The following NPTN variants were observed in gnomAD, a reference collection of about 807,000 sequenced individuals.
The protein encoded by NPTN is SDR-1.
Under a neutral mutation model 42.7 loss-of-function variants are expected in NPTN, and 5 were observed. The ratio of observed to expected loss-of-function variants is 0.12; its 90% CI spans 0.06 to 0.25. The LOEUF (loss-of-function observed/expected upper bound fraction) is 0.25, where lower values mean the gene tolerates loss of function less well. Ranked by LOEUF, NPTN falls within the 10% of genes least tolerant of loss-of-function variation. The pLI is 1.00. For synonymous variants in NPTN, 180 were observed against 201.9 expected, an observed-to-expected ratio of 0.89 and a Z score of 0.92; for missense variants, 307 against 525.4, an observed-to-expected ratio of 0.58 and a Z score of 4.06.
At position 73,633,349 on chromosome 15, in the gene NPTN, C is replaced by A. The variant is rs1566997863; in HGVS notation, c.-134G>T. 6.9e-6 allele frequency: 4 copies of A among 582,506 alleles called. No individual in the cohort carries two copies. The highest frequency in any genetic ancestry group is 1.1e-5 in the Non-Finnish European group (4 of 365,648). The allele number at this position is 582,506 out of a possible 1,614,324, so 36.1% of individuals were successfully genotyped here. A position where few individuals can be genotyped will look rare whatever the true frequency, so the allele number is the denominator to read the frequency against. On this transcript the variant is annotated 5_prime_UTR_variant, in exon 1 of 9. Transcript: ENST00000345330. ...GGAGGCAGCCGCGGCTCGGCTCCGT[C>A]CTTCCCCGTCCTCCTCCTGCCGCCG...
intron 1 of NPTN, among the ~76,000 whole-genome samples, chr15:73,604,861 C>G (rs1266146440): frequency 6.6e-6 from 1 of 152,204 alleles, no homozygotes; most frequent in Non-Finnish European, 1.5e-5. Flanking sequence ...CGCAGTGGCT[C>G]ATGCCTGTAA....
chr15:73,595,960 G>A (rs1896818426), intron 2 of NPTN, among the ~76,000 whole-genome samples: 1 of 152,218 alleles, frequency 6.6e-6, no homozygotes, highest in African/African-American at 2.4e-5. Flanking sequence ...CCATCACTAT[G>A]AGAAACCAGG....
intron 4 of NPTN, among the ~76,000 whole-genome samples, chr15:73,580,170 T>C (rs1353401523): frequency 6.6e-6 from 1 of 151,462 alleles, no homozygotes; most frequent in Non-Finnish European, 1.5e-5. Context: ...TTTTGTACTT[T>C]AACATACTGA....
intron 8 of NPTN, among the ~76,000 whole-genome samples, chr15:73,561,592 A>C (rs949988606): frequency 6.6e-6 from 1 of 152,052 alleles, no homozygotes; most frequent in African/African-American, 2.4e-5. Flanking sequence ...GGGCAGGAGA[A>C]TTGCTTGAAC....
chr15:73,617,789 C>T (rs1897933671), intron 1 of NPTN, among the ~76,000 whole-genome samples: 1 of 152,194 alleles, frequency 6.6e-6, no homozygotes, highest in Admixed American at 6.5e-5. Flanking sequence ...AATACAAATG[C>T]CAGGAAAGCT....
At chr15:73,581,729 A>G (rs1461850931) in intron 4 of NPTN, among the ~76,000 whole-genome samples, 8 of 152,212 alleles carry the variant, frequency 5.3e-5, no homozygotes, top group Admixed American at 5.2e-4. Flanking sequence ...CTGTCAACTC[A>G]GGCCATGGAG....
Position 73,592,012 on chromosome 15 carries a change from C to T in NPTN, c.565G>A (p.Val189Met). The T allele has an allele frequency of 3.1e-6, 5 of 1,614,016 alleles. No individual in the cohort carries two copies. Among genetic ancestry groups the T allele is most frequent in the Non-Finnish European group, 4.2e-6 (5 of 1,179,934 alleles). ...TTCTTACGAGTGGCACTCAGTTCCA[C>T]CCCATTCTTTGTCCAGTAGCTGTAT... ...LTYSYWTKNG[V>M]ELSATRKNAS... Residue 189 changes from valine to methionine, a missense_variant, in exon 3 of 9, where the codon GTG becomes ATG. Val to Met is a conservative substitution (Grantham distance 21, BLOSUM62 1). This residue lies in a region of NPTN where 264 missense variants were observed against 491.1 expected (regional missense o/e 0.54). Transcript: ENST00000345330.
At chr15:73,623,317 A>G (rs1052309948) in intron 1 of NPTN, among the ~76,000 whole-genome samples, 3 of 152,224 alleles carry the variant, frequency 2.0e-5, no homozygotes, top group Admixed American at 2.0e-4. Context: ...ATGGATTCCA[A>G]AGTTAATCTA....
chr15:73,565,847 CTA>C, intron 6 of NPTN: 1 of 454,966 alleles, frequency 2.2e-6, no homozygotes, highest in Non-Finnish European at 4.4e-6. Context: ...CTCACTCCCC[CTA>C]TATCCGCCTC....
At chr15:73,603,439 C>G (rs955768270) in intron 1 of NPTN, among the ~76,000 whole-genome samples, 1 of 152,112 alleles carries the variant, frequency 6.6e-6, no homozygotes, top group Non-Finnish European at 1.5e-5. Flanking sequence ...AGAACCAGAA[C>G]GGAAATGTTA....
At chr15:73,626,155 T>C (rs1472739880) in intron 1 of NPTN, among the ~76,000 whole-genome samples, 2 of 152,228 alleles carry the variant, frequency 1.3e-5, no homozygotes, top group African/African-American at 4.8e-5. Flanking sequence ...GTGTGTTTCA[T>C]TGTCTCTTTA....
chr15:73,567,398 C>G, intron 6 of NPTN: 2 of 985,400 alleles, frequency 2.0e-6, no homozygotes, highest in South Asian at 9.4e-5. Context: ...TAGGTAAACA[C>G]TTATGACCTC....
intron 3 of NPTN, among the ~76,000 whole-genome samples, chr15:73,588,113 G>A (rs903345481): frequency 6.6e-5 from 10 of 152,114 alleles, no homozygotes; most frequent in Non-Finnish European, 1.5e-4. Flanking sequence ...GGTGGCACAT[G>A]CCTGTAATCC....
intron 1 of NPTN, among the ~76,000 whole-genome samples, chr15:73,603,617 G>C (rs1897164436): frequency 6.6e-6 from 1 of 152,134 alleles, no homozygotes; most frequent in South Asian, 2.1e-4. Flanking sequence ...GAATAATCTG[G>C]AAAGTCCAAG....
chr15:73,572,213 T>G (rs1566960533), intron 5 of NPTN, among the ~76,000 whole-genome samples: 1 of 152,166 alleles, frequency 6.6e-6, no homozygotes, highest in Non-Finnish European at 1.5e-5. Context: ...AACTCTTGGT[T>G]TTGCCACTAA....
chr15:73,567,736 G>A, intron 6 of NPTN: 1 of 985,402 alleles, frequency 1.0e-6, no homozygotes, highest in Non-Finnish European at 1.2e-6. Context: ...AAAACAGAAT[G>A]GAAATACTGG....
intron 4 of NPTN, among the ~76,000 whole-genome samples, chr15:73,582,270 G>A (rs1018297527): frequency 6.6e-6 from 1 of 152,180 alleles, no homozygotes; most frequent in African/African-American, 2.4e-5. Context: ...CGGTCTATTT[G>A]CTTCCTTCAT....
chr15:73,633,230 G>T lies in NPTN; in HGVS notation c.-15C>A. ...GAACCCGACATCCTCCCTAGCAGAA[G>T]ACCCAACAGCGAATGGGCCGGGGCC... On this transcript the variant is annotated 5_prime_UTR_variant, in exon 1 of 9. Transcript: ENST00000345330. The T allele has an allele frequency of 7.0e-7, 1 of 1,422,928 alleles. No individual in the cohort carries two copies. The highest frequency in any genetic ancestry group is 9.3e-7 in the Non-Finnish European group (1 of 1,081,026). 88.1% of individuals were successfully genotyped at this position (1,422,928 alleles called of 1,614,324 possible). A position where few individuals can be genotyped will look rare whatever the true frequency, so the allele number is the denominator to read the frequency against.
intron 2 of NPTN, among the ~76,000 whole-genome samples, chr15:73,592,786 AGTT>A (rs1896655977): frequency 1.3e-5 from 2 of 152,198 alleles, no homozygotes; most frequent in Non-Finnish European, 2.9e-5. Flanking sequence ...TCCCAAAACA[AGTT>A]GTTGTTTTCA....
Sources: allele counts gnomAD v4.1 joint callset (sites outside exome capture counted in the v4.1 genomes callset), GRCh38; gene constraint gnomAD v4.1.1; regional missense constraint gnomAD v4.1.1; transcripts MANE v1.5; gene names NCBI Gene and HGNC (gene_info 2026-07-23, HGNC 2026-07-21).